FAT3: variants seen among roughly 807,000 people sequenced by gnomAD.
The protein encoded by FAT3 is FAT atypical cadherin 3.
In FAT3, 95 loss-of-function variants were observed where a neutral mutation model predicts 310.2. The ratio of observed to expected loss-of-function variants is 0.31; its 90% confidence interval spans 0.26 to 0.36. The LOEUF is 0.36. Ranked by LOEUF, FAT3 falls within the 10% of genes least tolerant of loss-of-function variation. The pLI is 1.00. For missense variants in FAT3, 5,408 were observed against 5,715.6 expected (o/e 0.95, Z 1.74); for synonymous variants, 2,314 against 2,192.9 (o/e 1.06, Z -1.54).
rs546821772 is a variant in FAT3 at position 92,651,563 on chromosome 11, C to A, written c.3608-45821C>A. ...GTGTCTTCTAATAGGAGTTGAGACACTTTTTTTTGTCTTAAAATAAATCCA... is the reference window on the plus strand; with the variant it reads ...GTGTCTTCTAATAGGAGTTGAGACAATTTTTTTTGTCTTAAAATAAATCCA... On this transcript the variant is annotated intron_variant, in intron 3 of 27. Coordinates refer to ENST00000525166, the MANE Select transcript of FAT3 (RefSeq NM_001367949.2). Among the ~76,000 whole-genome samples, 39 of 151,918 alleles carry A rather than the reference C, an allele frequency of 2.6e-4. 2 individuals are homozygous for A.
chr11:92,372,912 A>C (rs1484548977), intron 2 of FAT3, among the ~76,000 whole-genome samples: 1 of 152,064 alleles, frequency 6.6e-6, no homozygotes, highest in Admixed American at 6.6e-5. Flanking sequence ...CGCCTGCCTC[A>C]GCCTCCCGAA....
chr11:92,578,899 A>G (rs1938634107), intron 3 of FAT3, among the ~76,000 whole-genome samples: 1 of 152,132 alleles, frequency 6.6e-6, no homozygotes, highest in African/African-American at 2.4e-5. Context: ...TGGAAAGGTA[A>G]TTAAGTATGT....
intron 3 of FAT3, among the ~76,000 whole-genome samples, chr11:92,642,325 G>A (rs1941993527): frequency 6.6e-6 from 1 of 152,184 alleles, no homozygotes; most frequent in Non-Finnish European, 1.5e-5. Flanking sequence ...CACTGCTTTA[G>A]TTGTCATCCT....
chr11:92,413,859 C>T (rs1195042476), intron 2 of FAT3, among the ~76,000 whole-genome samples: 1 of 152,178 alleles, frequency 6.6e-6, no homozygotes, highest in Non-Finnish European at 1.5e-5. Context: ...CATGGCTGGT[C>T]TCAGTGAGTC....
At chr11:92,581,595 C>T (rs1591481541) in intron 3 of FAT3, among the ~76,000 whole-genome samples, 1 of 152,054 alleles carries the variant, frequency 6.6e-6, no homozygotes, top group Non-Finnish European at 1.5e-5. Context: ...CATTGTTATC[C>T]TCTGATTGTT....
chr11:92,570,367 G>A (rs1371427772), intron 3 of FAT3, among the ~76,000 whole-genome samples: 1 of 152,134 alleles, frequency 6.6e-6, no homozygotes, highest in African/African-American at 2.4e-5. Context: ...GTCCAATGAA[G>A]GATTGTGTGT....
chr11:92,521,032 G>A (rs1168055048), intron 2 of FAT3, among the ~76,000 whole-genome samples: 1 of 152,004 alleles, frequency 6.6e-6, no homozygotes, highest in Non-Finnish European at 1.5e-5. Flanking sequence ...ATGTCCAAAG[G>A]CTGTGATATA....
At chr11:92,337,461 C>T (rs1343794383) in intron 1 of FAT3, among the ~76,000 whole-genome samples, 2 of 152,134 alleles carry the variant, frequency 1.3e-5, no homozygotes, top group African/African-American at 4.8e-5. Context: ...GATGGAATTT[C>T]CCTCTCATTG....
chr11:92,290,271 T>C (rs1555001914), intron 1 of FAT3, among the ~76,000 whole-genome samples: 2 of 152,126 alleles, frequency 1.3e-5, no homozygotes, highest in African/African-American at 2.4e-5. Context: ...TTCTTTTCAG[T>C]CTCCCTCCTC....
chr11:92,255,016 A>AT lies in FAT3; in HGVS notation c.-18+29848dup, dbSNP rs113317389. Among the ~76,000 whole-genome samples, 8 of 152,176 alleles carry AT rather than the reference A, an allele frequency of 5.3e-5. 1 individual carries two copies. Among genetic ancestry groups the AT allele is most frequent in the African/African-American group, 1.7e-4 (7 of 41,556 alleles). On this transcript the variant is annotated intron_variant, in intron 1 of 27. Transcript: ENST00000525166. ...CCACCTCACCCAGCCACTCATTGTT[A>AT]TTTTTTAACATCAGCAATTGGATCA... is the stretch of plus-strand genomic sequence containing the variant.
chr11:92,553,671 CCGTCCCTTCCTTCCTTCCTT>C (rs149675412), intron 3 of FAT3, among the ~76,000 whole-genome samples: 57,858 of 108,780 alleles, frequency 0.53, 11,901 homozygotes, highest in Middle Eastern at 0.65. Context: ...TCTAGAATCT[CCGTCCCTTCCTTCCTTCCTT>C]CCTTCCTTCC....
chr11:92,392,097 G>A (rs753634915), intron 2 of FAT3, among the ~76,000 whole-genome samples: 1 of 152,068 alleles, frequency 6.6e-6, no homozygotes, highest in Non-Finnish European at 1.5e-5. Context: ...TTTATCACAT[G>A]CAGTTCTGTG....
intron 4 of FAT3, among the ~76,000 whole-genome samples, chr11:92,720,034 G>T (rs890021864): frequency 6.6e-6 from 1 of 152,042 alleles, no homozygotes; most frequent in African/African-American, 2.4e-5. Flanking sequence ...AAACTTCCTG[G>T]ATTTTTTTCT....
intron 10 of FAT3, among the ~76,000 whole-genome samples, chr11:92,804,015 C>T (rs902612606): frequency 2.6e-5 from 4 of 152,164 alleles, no homozygotes; most frequent in South Asian, 2.1e-4. Context: ...AGTAGGACCC[C>T]GATATTTGCC....
At chr11:92,412,702 GATATATATATATATATAT>G (rs758587642) in intron 2 of FAT3, among the ~76,000 whole-genome samples, 12 of 13,470 alleles carry the variant, frequency 8.9e-4, no homozygotes, top group Non-Finnish European at 1.3e-3. Flanking sequence ...TGATGGTGGT[GATATATATATATATATAT>G]ATATATATAT....
At chr11:92,519,182 G>A (rs971544697) in intron 2 of FAT3, among the ~76,000 whole-genome samples, 1 of 152,056 alleles carries the variant, frequency 6.6e-6, no homozygotes, top group South Asian at 2.1e-4. Flanking sequence ...ATGTGATATT[G>A]GCATAAAGGT....
intron 1 of FAT3, among the ~76,000 whole-genome samples, chr11:92,252,436 G>T (rs1157129054): frequency 3.3e-5 from 5 of 152,128 alleles, no homozygotes; most frequent in Non-Finnish European, 4.4e-5. Flanking sequence ...GTATGACATG[G>T]TTATACTGGC....
chr11:92,743,755 A>G (rs947780474), intron 4 of FAT3, among the ~76,000 whole-genome samples: 16 of 152,266 alleles, frequency 1.1e-4, no homozygotes, highest in Admixed American at 9.2e-4. Flanking sequence ...TGATTGGATC[A>G]TGAGGGCTCT....
chr11:92,431,343 C>A (rs1401467857), intron 2 of FAT3, among the ~76,000 whole-genome samples: 1 of 151,992 alleles, frequency 6.6e-6, no homozygotes, highest in East Asian at 1.9e-4. Flanking sequence ...CCTTCGCCCA[C>A]TTTTTGATGG....
Sources: allele counts gnomAD v4.1 joint callset (sites outside exome capture counted in the v4.1 genomes callset), GRCh38; gene constraint gnomAD v4.1.1; transcripts MANE v1.5; gene names NCBI Gene and HGNC (gene_info 2026-07-23, HGNC 2026-07-21).